FRMD4A: variants seen among roughly 807,000 people sequenced by gnomAD.
The protein encoded by FRMD4A is FERM domain containing 4A, also known as FERM domain-containing protein 4A.
A neutral mutation model predicts 129.1 loss-of-function variants in FRMD4A; 29 were observed. That is an observed-to-expected ratio of 0.22 (90% CI 0.17 to 0.31). The LOEUF is 0.31. Ranked by LOEUF, FRMD4A falls within the 10% of genes least tolerant of loss-of-function variation. The pLI is 1.00. For synonymous variants in FRMD4A, 634 were observed against 571.6 expected, an observed-to-expected ratio of 1.11 and a Z score of -1.56; for missense variants, 1,272 against 1,375.8, an observed-to-expected ratio of 0.92 and a Z score of 1.19.
chr10:14,100,024 C>T (rs1038361375), intron 2 of FRMD4A, among the ~76,000 whole-genome samples: 1 of 152,314 alleles, frequency 6.6e-6, no homozygotes, highest in East Asian at 1.9e-4. Context: ...CACTGGGGTA[C>T]AGCACAGATC....
At chr10:13,901,038 A>C (rs982132630) in intron 2 of FRMD4A, among the ~76,000 whole-genome samples, 1 of 152,198 alleles carries the variant, frequency 6.6e-6, no homozygotes, top group Non-Finnish European at 1.5e-5. Flanking sequence ...TGTTAACCCC[A>C]TTTATAGGTG....
intron 2 of FRMD4A, among the ~76,000 whole-genome samples, chr10:14,291,733 C>T (rs1311846353): frequency 1.3e-5 from 2 of 151,816 alleles, no homozygotes; most frequent in South Asian, 2.1e-4. Context: ...AGCATTACAT[C>T]TAAGAGTAGG....
At chr10:14,186,991 G>A (rs1032456341) in intron 2 of FRMD4A, among the ~76,000 whole-genome samples, 1 of 151,650 alleles carries the variant, frequency 6.6e-6, no homozygotes, top group Non-Finnish European at 1.5e-5. Flanking sequence ...CAGGTGTGGC[G>A]GTGCACATTC....
intron 2 of FRMD4A, among the ~76,000 whole-genome samples, chr10:14,019,409 TAATGTA>T (rs1181755196): frequency 6.6e-6 from 1 of 152,324 alleles, no homozygotes; most frequent in East Asian, 1.9e-4. Flanking sequence ...CATGCCATCA[TAATGTA>T]TAACATTTCT....
Position 13,657,150 on chromosome 10 carries a change from C to T in FRMD4A, c.2439G>A (p.Ala813=), listed in dbSNP as rs1280353911. ...NLAARGGAGG[A]GGAGGGVYLH... Reference sequence around the variant, plus strand: ...GGTACACACCGCCCCCCGCGCCCCCCGCGCCCCCCGCACCCCCGCGCGCCG... The same window carrying T: ...GGTACACACCGCCCCCCGCGCCCCCTGCGCCCCCCGCACCCCCGCGCGCCG... Residue 813 remains alanine, a synonymous_variant, in exon 22 of 25, where the codon GCG becomes GCA. Coordinates refer to ENST00000357447, the MANE Select transcript of FRMD4A (RefSeq NM_018027.5). 2.7e-6 allele frequency: 4 copies of T among 1,479,880 alleles called. No individual in the cohort carries two copies. The highest frequency in any genetic ancestry group is 3.6e-6 in the Non-Finnish European group (4 of 1,117,882). 91.7% of individuals were successfully genotyped at this position (1,479,880 alleles called of 1,614,324 possible).
chr10:14,072,816 A>C (rs1248243252), intron 2 of FRMD4A, among the ~76,000 whole-genome samples: 1 of 152,204 alleles, frequency 6.6e-6, no homozygotes, highest in Non-Finnish European at 1.5e-5. Context: ...GGTGAGATGG[A>C]GATATTTGAG....
intron 2 of FRMD4A, among the ~76,000 whole-genome samples, chr10:14,131,222 A>C (rs187003087): frequency 5.8e-4 from 89 of 152,322 alleles, no homozygotes; most frequent in African/African-American, 2.0e-3. Context: ...TCTCTCCTCT[A>C]ACGACAACAC....
At chr10:13,705,832 C>T (rs138677538) in intron 13 of FRMD4A, among the ~76,000 whole-genome samples, 285 of 152,310 alleles carry the variant, frequency 1.9e-3, no homozygotes, top group Admixed American at 3.1e-3. Flanking sequence ...CTCTCAGCTG[C>T]TCTCCACTAA....
intron 2 of FRMD4A, among the ~76,000 whole-genome samples, chr10:14,040,623 C>T (rs986823751): frequency 1.3e-5 from 2 of 152,158 alleles, no homozygotes; most frequent in Non-Finnish European, 1.5e-5. Context: ...TTGCTGAAGG[C>T]CATGCATGGT....
At chr10:14,206,608 G>C (rs1002380095) in intron 2 of FRMD4A, among the ~76,000 whole-genome samples, 10 of 151,716 alleles carry the variant, frequency 6.6e-5, no homozygotes, top group African/African-American at 2.4e-4. Context: ...GACCAGCCTG[G>C]GCAACACGGC....
chr10:14,285,384 T>A (rs1845649656), intron 2 of FRMD4A, among the ~76,000 whole-genome samples: 1 of 152,202 alleles, frequency 6.6e-6, no homozygotes. Flanking sequence ...AACACGAGCT[T>A]GAAAAGCAAA....
intron 4 of FRMD4A, among the ~76,000 whole-genome samples, chr10:13,807,573 C>A (rs2093376796): frequency 6.6e-6 from 1 of 152,080 alleles, no homozygotes; most frequent in South Asian, 2.1e-4. Context: ...CAATATTAAA[C>A]ATTCTTGGGC....
chr10:13,762,829 A>C (rs2092127525), intron 6 of FRMD4A, 149 bp from the exon 7 acceptor site: 2 of 625,226 alleles, frequency 3.2e-6, no homozygotes, highest in Non-Finnish European at 5.8e-6. Flanking sequence ...TGCTGCCTCT[A>C]CAGAAAATTT....
chr10:13,842,935 A>G (rs1336796835), intron 3 of FRMD4A, among the ~76,000 whole-genome samples: 15 of 152,122 alleles, frequency 9.9e-5, no homozygotes, highest in Non-Finnish European at 1.9e-4. Flanking sequence ...AGATGATAAT[A>G]TTTTTCATAT....
chr10:14,023,386 G>A (rs1409417805), intron 2 of FRMD4A, among the ~76,000 whole-genome samples: 1 of 151,982 alleles, frequency 6.6e-6, no homozygotes, highest in East Asian at 1.9e-4. Context: ...ACCATTCCCT[G>A]AAAGGTTCCT....
At chr10:14,160,857 A>G (rs1479864128) in intron 2 of FRMD4A, among the ~76,000 whole-genome samples, 1 of 152,194 alleles carries the variant, frequency 6.6e-6, no homozygotes, top group African/African-American at 2.4e-5. Context: ...AAAGAGACAA[A>G]AAATAACAAA....
intron 2 of FRMD4A, among the ~76,000 whole-genome samples, chr10:13,883,318 C>T (rs1164095563): frequency 2.0e-5 from 3 of 151,928 alleles, no homozygotes; most frequent in East Asian, 3.9e-4. Flanking sequence ...GCTGAAACCC[C>T]GTCTCTACTA....
At chr10:13,900,639 GT>G (rs1435510312) in intron 2 of FRMD4A, among the ~76,000 whole-genome samples, 1 of 152,164 alleles carries the variant, frequency 6.6e-6, no homozygotes, top group African/African-American at 2.4e-5. Flanking sequence ...GCTCATGCCT[GT>G]AATCCCGGGA....
intron 2 of FRMD4A, among the ~76,000 whole-genome samples, chr10:14,057,051 C>T (rs1324394961): frequency 6.6e-6 from 1 of 152,160 alleles, no homozygotes; most frequent in Admixed American, 6.5e-5. Flanking sequence ...TCTGGCTTGT[C>T]ACAGCTGAGC....
Sources: allele counts gnomAD v4.1 joint callset (sites outside exome capture counted in the v4.1 genomes callset), GRCh38; gene constraint gnomAD v4.1.1; transcripts MANE v1.5; gene names NCBI Gene and HGNC (gene_info 2026-07-23, HGNC 2026-07-21).